The following TRPC4 variants were observed in gnomAD, a reference collection of about 807,000 sequenced individuals.
The protein encoded by TRPC4 is short transient receptor potential channel 4.
A neutral mutation model predicts 99.4 loss-of-function variants in TRPC4; 49 were observed. The observed-to-expected ratio is 0.49, with a 90% confidence interval of 0.39 to 0.63. The LOEUF is 0.63. Among genes scored for constraint, TRPC4 ranks in the 20% least tolerant of loss-of-function variants. The pLI is 0.00. For synonymous variants in TRPC4, 454 were observed against 425.9 expected (o/e 1.07, Z -0.81); for missense variants, 898 against 1,152.9 (o/e 0.78, Z 3.20).
chr13:37,761,911 A>G (rs1486565645), intron 2 of TRPC4, among the ~76,000 whole-genome samples: 1 of 151,882 alleles, frequency 6.6e-6, no homozygotes, highest in Non-Finnish European at 1.5e-5. Flanking sequence ...TGAAAATTTA[A>G]GCTGTGTATC....
chr13:37,637,025 C>T lies in TRPC4; in HGVS notation c.2812G>A (p.Glu938Lys). 1 of 1,613,804 alleles carries T rather than the reference C, an allele frequency of 6.2e-7. No homozygotes were observed. Among genetic ancestry groups the T allele is most frequent in the Non-Finnish European group, 8.5e-7 (1 of 1,179,794 alleles). ...CPFKSEKVVVEDTVPIIPKEK... is the reference protein window; with the variant it reads ...CPFKSEKVVVKDTVPIIPKEK... ...TTTGGTATTATAGGAACCGTGTCCTCCACCACCACCTTCTCTGACTTGAAT... is the reference window on the plus strand; with the variant it reads ...TTTGGTATTATAGGAACCGTGTCCTTCACCACCACCTTCTCTGACTTGAAT... The change falls in exon 11 of 11, where the codon GAG becomes AAG. Residue 938 changes from glutamate to lysine, a missense_variant. Around this residue, in one of 3 missense-constraint regions of TRPC4, gnomAD observed 346 missense variants for 351.4 expected, o/e 0.98. Coordinates refer to ENST00000379705, the MANE Select transcript of TRPC4 (RefSeq NM_016179.4).
In TRPC4 at chr13:37,634,662, T is replaced by C. The variant is rs568107003; in HGVS notation, c.*2241A>G. On this transcript the variant is annotated 3_prime_UTR_variant, in exon 11 of 11. Coordinates refer to ENST00000379705, the MANE Select transcript of TRPC4 (RefSeq NM_016179.4). Reference sequence around the variant, plus strand: ...AATTCTGGTAAAGTATGTAAAATGGTTATGTATAGTGTCCTTACTTTGGGA... The same window carrying C: ...AATTCTGGTAAAGTATGTAAAATGGCTATGTATAGTGTCCTTACTTTGGGA... 6.6e-6 allele frequency among the ~76,000 whole-genome samples: 1 copy of C among 152,000 alleles called. No individual in the cohort carries two copies. Among genetic ancestry groups the C allele is most frequent in the South Asian group, 2.1e-4 (1 of 4,822 alleles).
intron 4 of TRPC4, among the ~76,000 whole-genome samples, chr13:37,685,668 T>C (rs1328487270): frequency 6.6e-6 from 1 of 152,098 alleles, no homozygotes; most frequent in Non-Finnish European, 1.5e-5. Context: ...TCCTGTCTTT[T>C]CCCCTCTTCC....
chr13:37,852,689 C>T (rs1374939801), intron 1 of TRPC4, among the ~76,000 whole-genome samples: 2 of 152,300 alleles, frequency 1.3e-5, no homozygotes, highest in South Asian at 4.1e-4. Context: ...GGCCCGGGCT[C>T]CTAGCATTTC....
chr13:37,862,597 G>C (rs1366628244), intron 1 of TRPC4, among the ~76,000 whole-genome samples: 1 of 151,534 alleles, frequency 6.6e-6, no homozygotes, highest in Non-Finnish European at 1.5e-5. Flanking sequence ...TATAATTTAT[G>C]TTATTTATTT....
chr13:37,638,919 C>G (rs1309733013), intron 10 of TRPC4, 121 bp downstream of exon 10: 4 of 977,258 alleles, frequency 4.1e-6, no homozygotes, highest in Admixed American at 4.2e-5. Flanking sequence ...GCTGAAAAAT[C>G]AGAAGCCACA....
chr13:37,761,228 A>G (rs1956214845), intron 2 of TRPC4, among the ~76,000 whole-genome samples: 1 of 151,878 alleles, frequency 6.6e-6, no homozygotes, highest in Admixed American at 6.6e-5. Flanking sequence ...AGCTTGTTAT[A>G]CCTCATCTCA....
chr13:37,808,000 C>A (rs576472230), intron 1 of TRPC4, among the ~76,000 whole-genome samples: 3 of 152,166 alleles, frequency 2.0e-5, no homozygotes, highest in Admixed American at 2.0e-4. Flanking sequence ...CTGACAGGTA[C>A]TAAAAGGCCT....
chr13:37,678,212 AT>A (rs1372844325), intron 4 of TRPC4, among the ~76,000 whole-genome samples: 1 of 152,084 alleles, frequency 6.6e-6, no homozygotes, highest in African/African-American at 2.4e-5. Flanking sequence ...TTAAGACAGT[AT>A]AAAAAGAAGA....
chr13:37,857,163 A>G (rs958880493), intron 1 of TRPC4, among the ~76,000 whole-genome samples: 1 of 151,664 alleles, frequency 6.6e-6, no homozygotes, highest in Non-Finnish European at 1.5e-5. Context: ...ATAAAAAGTA[A>G]TCCCATTTAC....
At chr13:37,719,963 G>A (rs1322256966) in intron 3 of TRPC4, among the ~76,000 whole-genome samples, 1 of 152,026 alleles carries the variant, frequency 6.6e-6, no homozygotes, top group African/African-American at 2.4e-5. Flanking sequence ...TTATCTAAGT[G>A]GGCTCGGTGT....
intron 1 of TRPC4, among the ~76,000 whole-genome samples, chr13:37,848,540 G>A (rs1958970082): frequency 6.6e-6 from 1 of 152,130 alleles, no homozygotes; most frequent in Admixed American, 6.6e-5. Context: ...GGAAAATCAA[G>A]TTGCAGACAG....
intron 1 of TRPC4, among the ~76,000 whole-genome samples, chr13:37,815,588 C>G (rs993083763): frequency 6.6e-6 from 1 of 151,892 alleles, no homozygotes; most frequent in Non-Finnish European, 1.5e-5. Context: ...TATATATGCA[C>G]CTAACAAGAG....
intron 5 of TRPC4, among the ~76,000 whole-genome samples, chr13:37,668,808 T>C (rs1381440041): frequency 1.3e-5 from 2 of 152,210 alleles, no homozygotes; most frequent in African/African-American, 4.8e-5. Context: ...TTTTAATGTG[T>C]GCTTTACATG....
intron 1 of TRPC4, among the ~76,000 whole-genome samples, chr13:37,822,070 G>A (rs1451721672): frequency 5.3e-5 from 8 of 152,100 alleles, no homozygotes. Flanking sequence ...TTTGACAAAG[G>A]TCTAATATCC....
chr13:37,692,087 A>G lies in TRPC4; in HGVS notation c.1146T>C (p.Leu382=), dbSNP rs1357583189. The change falls in exon 4 of 11, where the codon CTT becomes CTC. Residue 382 remains leucine (L), a synonymous_variant. Transcript: ENST00000379705. ...CTGACCTGTCGATGTGCTGAGAGGC[A>G]AGCAGCAGCAGGAACAAAAAAGTCA... The part of the protein sequence containing the change: ...SYLTFLFLLL[L]ASQHIDRSDL... The G allele has an allele frequency of 1.4e-5, 22 of 1,614,058 alleles. No homozygotes were observed. In the East Asian group the frequency reaches 4.9e-4, roughly 36 times the overall value.
intron 4 of TRPC4, among the ~76,000 whole-genome samples, chr13:37,683,836 A>C (rs531606982): frequency 6.6e-6 from 1 of 152,204 alleles, no homozygotes; most frequent in Non-Finnish European, 1.5e-5. Flanking sequence ...GCCATGGGTC[A>C]GGCCTTTATT....
At chr13:37,719,430 C>T (rs1047686275) in intron 3 of TRPC4, among the ~76,000 whole-genome samples, 1 of 151,878 alleles carries the variant, frequency 6.6e-6, no homozygotes, top group Non-Finnish European at 1.5e-5. Context: ...CAGACATGTA[C>T]TACAAGACAT....
chr13:37,843,681 GACAC>G lies in TRPC4; in HGVS notation c.-28+25910_-28+25913del, dbSNP rs5802907. Among the ~76,000 whole-genome samples the G allele has an allele frequency of 3.8e-3, 506 of 134,116 alleles. 3 individuals are homozygous for G. The highest frequency in any genetic ancestry group is 0.013 in the African/African-American group (458 of 34,620). The allele number at this position is 134,116 out of a possible 152,430, so 88.0% of individuals were successfully genotyped here. On this transcript the variant is annotated intron_variant, in intron 1 of 10. Coordinates refer to ENST00000379705, the MANE Select transcript of TRPC4 (RefSeq NM_016179.4). ...ACTATGTCTTCAACTGATGTTTGGT[GACAC>G]ACACACACACACACACACACGCACA... is the stretch of plus-strand genomic sequence containing the variant.
Sources: gnomAD v4.1 joint callset for allele counts (sites outside exome capture counted in the v4.1 genomes callset) on GRCh38, gnomAD v4.1.1 for gene constraint, gnomAD v4.1.1 regional missense constraint, MANE v1.5 for transcripts, NCBI Gene and HGNC (gene_info 2026-07-23, HGNC 2026-07-21) for gene names.